Variants in CDK14 observed in about 807,000 individuals in gnomAD.
CDK14 encodes cyclin-dependent kinase 14.
In CDK14, 34 loss-of-function variants were observed where a neutral mutation model predicts 60.7. The observed-to-expected ratio is 0.56, with a 90% CI of 0.43 to 0.75. The LOEUF (loss-of-function observed/expected upper bound fraction) is 0.75. CDK14 is among the 30% of genes least tolerant of loss of function. The probability of loss-of-function intolerance (pLI) is 0.00; values close to 1 mark genes in which losing one functional copy is unlikely to be tolerated. For missense variants in CDK14, 482 were observed against 564.1 expected (o/e 0.85, Z 1.47); for synonymous variants, 197 against 203.7 (o/e 0.97, Z 0.28).
chr7:90,722,349 G>A (rs1272286367), intron 2 of CDK14, among the ~76,000 whole-genome samples: 1 of 151,994 alleles, frequency 6.6e-6, no homozygotes, highest in Non-Finnish European at 1.5e-5. Flanking sequence ...GACTACAGGT[G>A]TGCACCACCA....
chr7:90,709,352 G>A, intron 2 of CDK14: 1 of 1,250,832 alleles, frequency 8.0e-7, no homozygotes, highest in Non-Finnish European at 1.0e-6. Context: ...GACACTTACT[G>A]GCTTTCTCCA....
chr7:90,735,427 C>T (rs1264390143), intron 3 of CDK14, among the ~76,000 whole-genome samples: 5 of 152,194 alleles, frequency 3.3e-5, no homozygotes, highest in Non-Finnish European at 7.3e-5. Context: ...CCCTTTCCCC[C>T]GTTGCTCTGT....
intron 3 of CDK14, among the ~76,000 whole-genome samples, chr7:90,744,177 C>A (rs1803471887): frequency 6.6e-6 from 1 of 152,214 alleles, no homozygotes; most frequent in South Asian, 2.1e-4. Flanking sequence ...GTGTTTGTGT[C>A]CCTGGGTACT....
intron 5 of CDK14, among the ~76,000 whole-genome samples, chr7:90,853,726 T>C (rs1050140664): frequency 1.3e-5 from 2 of 152,186 alleles, no homozygotes; most frequent in African/African-American, 4.8e-5. Context: ...GTGGTTGGCA[T>C]GTAGTAGATG....
intron 5 of CDK14, among the ~76,000 whole-genome samples, chr7:90,828,480 A>G (rs1218786206): frequency 1.3e-5 from 2 of 152,076 alleles, no homozygotes; most frequent in Non-Finnish European, 2.9e-5. Flanking sequence ...TCCTTCAGCT[A>G]ATCTCTTAAA....
intron 13 of CDK14, among the ~76,000 whole-genome samples, chr7:91,114,984 A>C (rs541522077): frequency 2.9e-3 from 441 of 152,300 alleles, no homozygotes; most frequent in African/African-American, 0.01. Flanking sequence ...AAATTTTTAT[A>C]ATTAAATTTC....
intron 11 of CDK14, among the ~76,000 whole-genome samples, chr7:91,062,314 T>C (rs1797827408): frequency 6.6e-6 from 1 of 152,152 alleles, no homozygotes. Context: ...TTTCCTTGGC[T>C]GGGAAAGGGA....
intron 14 of CDK14, among the ~76,000 whole-genome samples, chr7:91,123,232 C>T (rs1051599429): frequency 2.0e-5 from 3 of 152,142 alleles, no homozygotes; most frequent in African/African-American, 7.2e-5. Context: ...ATAAGAAACA[C>T]AAGTGTTAGA....
intron 8 of CDK14, among the ~76,000 whole-genome samples, chr7:90,922,529 A>G (rs1220448978): frequency 6.6e-6 from 1 of 152,182 alleles, no homozygotes; most frequent in Admixed American, 6.5e-5. Context: ...CATGTTAGGT[A>G]TAATTTTTAT....
intron 10 of CDK14, among the ~76,000 whole-genome samples, chr7:91,042,872 A>C (rs975519939): frequency 1.3e-5 from 2 of 152,248 alleles, no homozygotes; most frequent in African/African-American, 4.8e-5. Flanking sequence ...CAGAGACCAT[A>C]CATACTCTCC....
At position 90,763,941 on chromosome 7, in the gene CDK14, C is replaced by G. The variant is rs1411403652; in HGVS notation, c.464+16166C>G. 2.6e-5 allele frequency among the ~76,000 whole-genome samples: 4 copies of G among 152,102 alleles called. No homozygotes were observed. In the East Asian group the frequency reaches 7.7e-4, roughly 29 times the overall value. The stretch of plus-strand genomic sequence containing the variant: ...GATTATTAATAGTGCTCTTTTTACT[C>G]TGAATACTGTCCCATTTGGATGATA... On this transcript the variant is annotated intron_variant, in intron 4 of 14. Coordinates refer to ENST00000380050, the MANE Select transcript of CDK14 (RefSeq NM_001287135.2).
chr7:90,833,585 T>A (rs1401481897), intron 5 of CDK14, among the ~76,000 whole-genome samples: 5 of 152,180 alleles, frequency 3.3e-5, no homozygotes, highest in Non-Finnish European at 7.4e-5. Context: ...TGTTTGTGTG[T>A]TTGATTGGTG....
intron 14 of CDK14, among the ~76,000 whole-genome samples, chr7:91,126,920 G>C (rs1372876439): frequency 6.6e-6 from 1 of 151,904 alleles, no homozygotes; most frequent in Non-Finnish European, 1.5e-5. Flanking sequence ...TAGAGGATTC[G>C]ATCAGATGAG....
chr7:90,850,556 T>C (rs1790616345), intron 5 of CDK14, among the ~76,000 whole-genome samples: 1 of 152,100 alleles, frequency 6.6e-6, no homozygotes, highest in Non-Finnish European at 1.5e-5. Flanking sequence ...ATAACTAAGT[T>C]AAGATCTGAA....
chr7:90,885,723 T>C (rs1409324231), intron 6 of CDK14, among the ~76,000 whole-genome samples: 1 of 152,198 alleles, frequency 6.6e-6, no homozygotes, highest in Non-Finnish European at 1.5e-5. Context: ...CACCATGGAA[T>C]GCTATGCAGC....
intron 8 of CDK14, among the ~76,000 whole-genome samples, chr7:90,926,912 C>T (rs1411792051): frequency 6.6e-6 from 1 of 152,170 alleles, no homozygotes; most frequent in Non-Finnish European, 1.5e-5. Context: ...GCTCACAGCA[C>T]TCAGGAACAC....
At chr7:90,725,177 T>TA (rs1489070366) in intron 2 of CDK14, among the ~76,000 whole-genome samples, 1 of 152,202 alleles carries the variant, frequency 6.6e-6, no homozygotes, top group Non-Finnish European at 1.5e-5. Flanking sequence ...TAGTGGTTTT[T>TA]AAAACATTAC....
At chr7:91,151,968 T>C (rs1056091841) in intron 14 of CDK14, among the ~76,000 whole-genome samples, 1 of 152,240 alleles carries the variant, frequency 6.6e-6, no homozygotes, top group Non-Finnish European at 1.5e-5. Flanking sequence ...GTTGGAGTTA[T>C]ACCCATGCAT....
At chr7:91,030,438 C>T (rs527552983) in intron 10 of CDK14, among the ~76,000 whole-genome samples, 1 of 152,242 alleles carries the variant, frequency 6.6e-6, no homozygotes, top group East Asian at 1.9e-4. Flanking sequence ...GTGGGCATAG[C>T]ACCCAGAGGC....
Sources: gnomAD v4.1 joint callset for allele counts (sites outside exome capture counted in the v4.1 genomes callset) on GRCh38, gnomAD v4.1.1 for gene constraint, MANE v1.5 for transcripts, NCBI Gene and HGNC (gene_info 2026-07-23, HGNC 2026-07-21) for gene names.